The following JPH1 variants were observed in gnomAD, a reference collection of about 807,000 sequenced individuals.
JPH1 encodes junctophilin 1.
A neutral mutation model predicts 53.6 loss-of-function variants in JPH1; 12 were observed. That is an observed-to-expected ratio of 0.22 (90% CI 0.14 to 0.36). The LOEUF is 0.36. JPH1 is among the 10% of genes least tolerant of loss of function. The pLI is 1.00. For synonymous variants in JPH1, 375 were observed against 363.8 expected (o/e 1.03, Z -0.35); for missense variants, 808 against 905.5 (o/e 0.89, Z 1.38).
chr8:74,309,897 C>T (rs1489178823), intron 2 of JPH1, among the ~76,000 whole-genome samples: 1 of 152,154 alleles, frequency 6.6e-6, no homozygotes, highest in Non-Finnish European at 1.5e-5. Flanking sequence ...CTTTCTGTCT[C>T]CTCTACCAAA....
intron 2 of JPH1, among the ~76,000 whole-genome samples, chr8:74,278,979 GCACACGCGCGCACACACACACA>G (rs1314385248): frequency 2.3e-5 from 3 of 131,574 alleles, no homozygotes; most frequent in Non-Finnish European, 4.9e-5. Flanking sequence ...AAACACACAC[GCACACGCGCGCACACACACACA>G]CACACGCATA....
intron 2 of JPH1, among the ~76,000 whole-genome samples, chr8:74,299,687 A>T (rs1157544066): frequency 6.6e-6 from 1 of 152,220 alleles, no homozygotes; most frequent in Non-Finnish European, 1.5e-5. Flanking sequence ...AACCACAGCC[A>T]CATATGCATA....
At position 74,320,984 on chromosome 8, in the gene JPH1, T is replaced by C. The variant is rs1346538317; in HGVS notation, c.304A>G (p.Thr102Ala). The C allele has an allele frequency of 1.2e-6, 2 of 1,611,670 alleles. No individual in the cohort carries two copies. Among genetic ancestry groups the C allele is most frequent in the Non-Finnish European group, 8.5e-7 (1 of 1,179,100 alleles). The change falls in exon 1 of 6, where the codon ACC becomes GCC. Residue 102 changes from threonine (T) to alanine (A), a missense_variant. Thr to Ala is a moderately conservative substitution (Grantham distance 58). Coordinates refer to ENST00000342232, the MANE Select transcript of JPH1 (RefSeq NM_020647.4). The surrounding 1 kb of genome is among the most constrained non-coding windows in gnomAD (Gnocchi z 4.4). Reference protein sequence around the residue: ...GRYGVRQSLCTPARYEGTWSN... With the variant: ...GRYGVRQSLCAPARYEGTWSN... The stretch of plus-strand genomic sequence containing the variant: ...CAGGTACCCTCGTAGCGAGCGGGGG[T>C]GCACAGGCTCTGCCGGACCCCGTAG...
chr8:74,256,216 A>C (rs983622448), intron 3 of JPH1, among the ~76,000 whole-genome samples: 4 of 152,284 alleles, frequency 2.6e-5, no homozygotes, highest in Non-Finnish European at 4.4e-5. Flanking sequence ...GCAGCCATAA[A>C]AAATGATGAG....
rs2131471763 is a variant in JPH1, at chr8:74,320,347, G to A, written c.379+562C>T. On this transcript the variant is annotated intron_variant, in intron 1 of 5. Coordinates refer to ENST00000342232, the MANE Select transcript of JPH1 (RefSeq NM_020647.4). This position sits in a 1 kb window ranked among gnomAD's most constrained non-coding sequence, Gnocchi z 4.4. The stretch of plus-strand genomic sequence containing the variant: ...GTTTCCAAATGCACCCCCAAATAAG[G>A]TACAATTCCCCAACATCCTAGTTAC... Among the ~76,000 whole-genome samples, 1 of 152,174 alleles carries A rather than the reference G, an allele frequency of 6.6e-6. No homozygotes were observed.
At chr8:74,238,829 T>G (rs1047566178) in intron 4 of JPH1, among the ~76,000 whole-genome samples, 2 of 152,152 alleles carry the variant, frequency 1.3e-5, no homozygotes, top group African/African-American at 4.8e-5. Flanking sequence ...GGTTAATTTT[T>G]GTATTTTTTG....
Position 74,237,193 on chromosome 8 carries a change from T to C in JPH1, c.*15+15A>G, listed in dbSNP as rs1485795855. ...ATTTACTATGATTTTAGATAGAAAT[T>C]AAGGCGATTCTTACCTTTCCTAATT... is the stretch of plus-strand genomic sequence containing the variant. On this transcript the variant is annotated intron_variant, in intron 5 of 5. Coordinates refer to ENST00000342232, the MANE Select transcript of JPH1 (RefSeq NM_020647.4). 1.4e-5 allele frequency: 21 copies of C among 1,472,214 alleles called. No individual in the cohort carries two copies. The Middle Eastern group carries it at 8.7e-4, about 61-fold the overall frequency. 91.2% of individuals were successfully genotyped at this position (1,472,214 alleles called of 1,614,324 possible). A position where few individuals can be genotyped will look rare whatever the true frequency, so the allele number is the denominator to read the frequency against.
At chr8:74,312,771 T>C (rs1178890590) in intron 2 of JPH1, among the ~76,000 whole-genome samples, 3 of 152,180 alleles carry the variant, frequency 2.0e-5, no homozygotes, top group Admixed American at 6.5e-5. Context: ...CAGTATTTGA[T>C]TAAGTGAGAT....
At chr8:74,287,398 C>T (rs1807198115) in intron 2 of JPH1, among the ~76,000 whole-genome samples, 1 of 147,592 alleles carries the variant, frequency 6.8e-6, no homozygotes, top group South Asian at 2.1e-4. Context: ...CCGGACTGGG[C>T]AACAGAGCGA....
chr8:74,237,108 T>G, intron 5 of JPH1, 73 bp from the exon 6 acceptor site: 1 of 741,844 alleles, frequency 1.3e-6, no homozygotes, highest in Non-Finnish European at 2.3e-6. Flanking sequence ...AAAATTAAAG[T>G]GAAGGACAAT....
intron 2 of JPH1, among the ~76,000 whole-genome samples, chr8:74,276,005 G>A (rs2131412930): frequency 6.6e-6 from 1 of 152,218 alleles, no homozygotes; most frequent in Admixed American, 6.5e-5. Context: ...ATGCTTCCCT[G>A]TAATATTATC....
intron 2 of JPH1, among the ~76,000 whole-genome samples, chr8:74,271,268 C>G (rs1806691896): frequency 6.6e-6 from 1 of 152,122 alleles, no homozygotes; most frequent in Non-Finnish European, 1.5e-5. Context: ...CCCACCCTCC[C>G]CCTTGTTGCA....
At chr8:74,291,013 A>G (rs1164079993) in intron 2 of JPH1, among the ~76,000 whole-genome samples, 7 of 152,226 alleles carry the variant, frequency 4.6e-5, no homozygotes, top group Non-Finnish European at 8.8e-5. Flanking sequence ...TGTTAGACCT[A>G]AAACCATAAA....
chr8:74,257,083 G>A (rs1451158427), intron 3 of JPH1, among the ~76,000 whole-genome samples: 1 of 152,160 alleles, frequency 6.6e-6, no homozygotes, highest in African/African-American at 2.4e-5. Context: ...GCTCCCTTAA[G>A]AAGATCAATA....
intron 2 of JPH1, among the ~76,000 whole-genome samples, chr8:74,308,460 T>C (rs1393817330): frequency 1.3e-5 from 2 of 152,278 alleles, no homozygotes; most frequent in East Asian, 3.9e-4. Flanking sequence ...AAAATGTGGT[T>C]TTGCCCAGCA....
rs1270763551 is a variant in JPH1, at chr8:74,312,228, A to G, written c.1139+2633T>C. ...ATTTATTGTTGTAAGAACACTTAACATGAGACCTACCTTCTTAACAAATTC... is the reference window on the plus strand; with the variant it reads ...ATTTATTGTTGTAAGAACACTTAACGTGAGACCTACCTTCTTAACAAATTC... On this transcript the variant is annotated intron_variant, in intron 2 of 5. Transcript: ENST00000342232. Among the ~76,000 whole-genome samples, 4 of 152,098 alleles carry G rather than the reference A, an allele frequency of 2.6e-5. No homozygotes were observed. The East Asian group carries it at 7.7e-4, about 29-fold the overall frequency.
chr8:74,304,930 C>A (rs560351809), intron 2 of JPH1, among the ~76,000 whole-genome samples: 10 of 152,262 alleles, frequency 6.6e-5, no homozygotes, highest in African/African-American at 2.4e-4. Flanking sequence ...TGATTCCTTA[C>A]ATATTAATTA....
intron 2 of JPH1, among the ~76,000 whole-genome samples, chr8:74,312,650 G>C (rs1359574905): frequency 6.6e-6 from 1 of 152,066 alleles, no homozygotes; most frequent in Non-Finnish European, 1.5e-5. Flanking sequence ...CTGAAACTTC[G>C]TATCTGTTGA....
At chr8:74,295,026 C>T (rs1444557930) in intron 2 of JPH1, among the ~76,000 whole-genome samples, 1 of 152,190 alleles carries the variant, frequency 6.6e-6, no homozygotes, top group Non-Finnish European at 1.5e-5. Flanking sequence ...CTTCTCTGTG[C>T]CCTGGACCTA....
Sources: allele counts gnomAD v4.1 joint callset (sites outside exome capture counted in the v4.1 genomes callset), GRCh38; gene constraint gnomAD v4.1.1; non-coding constraint Gnocchi (gnomAD v3.1); transcripts MANE v1.5; gene names NCBI Gene and HGNC (gene_info 2026-07-23, HGNC 2026-07-21).